GPBP1: variants seen among roughly 807,000 people sequenced by gnomAD.
GPBP1 encodes GC-rich promoter binding protein 1.
GPBP1 carries 13 observed loss-of-function variants against 56.5 expected under a neutral mutation model. The ratio of observed to expected loss-of-function variants is 0.23; its 90% CI spans 0.15 to 0.37. The LOEUF is 0.37. GPBP1 is among the 10% of genes least tolerant of loss of function. The pLI, the probability that GPBP1 is intolerant of heterozygous loss-of-function variation, is 1.00. For missense variants in GPBP1, 477 were observed against 572.3 expected (o/e 0.83, Z 1.70); for synonymous variants, 204 against 188.9 (o/e 1.08, Z -0.66).
At chr5:57,255,180 A>G (rs771929135) in intron 10 of GPBP1, among the ~76,000 whole-genome samples, 2 of 151,552 alleles carry the variant, frequency 1.3e-5, no homozygotes, top group Admixed American at 6.6e-5. Context: ...ATGTGTGTTC[A>G]CGTCCTCTCT....
chr5:57,179,669 C>G (rs571768980), intron 2 of GPBP1, among the ~76,000 whole-genome samples: 7 of 152,212 alleles, frequency 4.6e-5, no homozygotes, highest in African/African-American at 1.7e-4. Flanking sequence ...GTGATCTTGG[C>G]TCACTGCAAC....
At chr5:57,235,864 T>G in intron 5 of GPBP1, 102 bp from the exon 6 acceptor site, 2 of 824,910 alleles carry the variant, frequency 2.4e-6, no homozygotes, top group South Asian at 1.5e-5. Flanking sequence ...TAGCTAAGAG[T>G]TGGTCATATT....
intron 3 of GPBP1, among the ~76,000 whole-genome samples, chr5:57,225,491 CAAAAAA>C (rs554699501): frequency 1.3e-4 from 5 of 38,136 alleles, no homozygotes; most frequent in African/African-American, 4.7e-4. Context: ...GATTCCTTCT[CAAAAAA>C]AAAAAAAAAA....
At chr5:57,256,551 G>A (rs905854670) in intron 10 of GPBP1, among the ~76,000 whole-genome samples, 3 of 151,732 alleles carry the variant, frequency 2.0e-5, no homozygotes, top group Non-Finnish European at 4.4e-5. Flanking sequence ...TTATGCATAC[G>A]AATACCATTA....
chr5:57,228,378 C>A (rs906677317), intron 3 of GPBP1, among the ~76,000 whole-genome samples: 1 of 151,958 alleles, frequency 6.6e-6, no homozygotes, highest in South Asian at 2.1e-4. Flanking sequence ...TCATTTGAAC[C>A]TGGGAGACGG....
Position 57,223,170 on chromosome 5 carries a change from C to T in GPBP1, c.64-7676C>T, listed in dbSNP as rs181067914. Among the ~76,000 whole-genome samples the T allele has an allele frequency of 7.9e-5, 12 of 152,102 alleles. No individual in the cohort carries two copies. In the East Asian group the frequency reaches 2.3e-3, roughly 29 times the overall value. On this transcript the variant is annotated intron_variant, in intron 3 of 11. Transcript: ENST00000506184. ...TTTTTCCCTCTTAGAGACAGGGTCT[C>T]ACTGTGTTACCCAGGCTGGTCTTGA...
At chr5:57,175,242 C>T (rs577149185) in intron 1 of GPBP1, among the ~76,000 whole-genome samples, 3 of 152,278 alleles carry the variant, frequency 2.0e-5, no homozygotes, top group African/African-American at 7.2e-5. Context: ...CGTCACCTAC[C>T]GTTTTTCCCT....
intron 2 of GPBP1, among the ~76,000 whole-genome samples, chr5:57,189,301 T>C (rs1754420906): frequency 6.6e-6 from 1 of 152,232 alleles, no homozygotes; most frequent in African/African-American, 2.4e-5. Flanking sequence ...GTATTTTTAG[T>C]AGAGACGGGG....
chr5:57,250,847 A>AT (rs1741350845), intron 9 of GPBP1, 107 bp from the exon 10 acceptor site: 1 of 781,766 alleles, frequency 1.3e-6, no homozygotes, highest in Non-Finnish European at 2.0e-6. Context: ...GCCTGGCCGC[A>AT]TTTATGTATT....
chr5:57,199,416 A>C (rs907889794), intron 2 of GPBP1, among the ~76,000 whole-genome samples: 1 of 152,178 alleles, frequency 6.6e-6, no homozygotes, highest in Admixed American at 6.6e-5. Context: ...ATACAGGGGA[A>C]ACCAGTAATG....
chr5:57,205,380 A>G (rs1333572669), intron 2 of GPBP1, among the ~76,000 whole-genome samples: 1 of 152,148 alleles, frequency 6.6e-6, no homozygotes, highest in African/African-American at 2.4e-5. Flanking sequence ...TGTTTTGAAC[A>G]CTGGTGTACA....
At chr5:57,239,507 G>A (rs1364586951) in intron 6 of GPBP1, among the ~76,000 whole-genome samples, 1 of 152,162 alleles carries the variant, frequency 6.6e-6, no homozygotes, top group African/African-American at 2.4e-5. Flanking sequence ...CCAGCTGGGC[G>A]TGGTTGCTCA....
intron 2 of GPBP1, among the ~76,000 whole-genome samples, chr5:57,208,113 C>T (rs923001076): frequency 6.6e-6 from 1 of 152,106 alleles, no homozygotes; most frequent in African/African-American, 2.4e-5. Flanking sequence ...GGAGCCCTCG[C>T]GAGGGACCAT....
At chr5:57,198,214 A>T (rs1463812215) in intron 2 of GPBP1, among the ~76,000 whole-genome samples, 2 of 152,094 alleles carry the variant, frequency 1.3e-5, no homozygotes, top group South Asian at 2.1e-4. Flanking sequence ...TCAGCTTCCC[A>T]CTGTATTCTA....
At chr5:57,219,481 G>A (rs936357462) in intron 3 of GPBP1, among the ~76,000 whole-genome samples, 1 of 149,976 alleles carries the variant, frequency 6.7e-6, no homozygotes, top group Non-Finnish European at 1.5e-5. Flanking sequence ...AAAAAAAAAG[G>A]TACTTGAAAT....
At chr5:57,191,839 C>T (rs1021364168) in intron 2 of GPBP1, among the ~76,000 whole-genome samples, 12 of 152,202 alleles carry the variant, frequency 7.9e-5, no homozygotes, top group African/African-American at 2.4e-4. Flanking sequence ...GGATTACAGG[C>T]GTGAGCCACC....
At chr5:57,237,136 T>C in intron 6 of GPBP1, 2 of 1,549,756 alleles carry the variant, frequency 1.3e-6, no homozygotes, top group Non-Finnish European at 1.7e-6. Context: ...GACACACACA[T>C]ACCCAACCAA....
In GPBP1 at chr5:57,251,079, C is replaced by G. The variant is rs79124902; in HGVS notation, c.1098C>G (p.Ile366Met). The change falls in exon 10 of 12, where the codon ATC (isoleucine) becomes ATG (methionine). Residue 366 changes from isoleucine (I) to methionine (M), a missense_variant. Physicochemically the swap from Ile to Met is conservative, Grantham distance 10 (BLOSUM62 1). Transcript: ENST00000506184. ...NGNASVISQQ[I>M]IRSSTFPQTD... is the part of the protein sequence containing the mutation. ...ATGCCTCAGTGATTTCCCAGCAGAT[C>G]ATTCGGTCTTCAACCTTCCCACAAA... 2 of 1,613,280 alleles carry G rather than the reference C, an allele frequency of 1.2e-6. No homozygotes were observed. Among genetic ancestry groups the G allele is most frequent in the African/African-American group, 1.3e-5 (1 of 74,900 alleles).
intron 2 of GPBP1, among the ~76,000 whole-genome samples, chr5:57,181,861 T>TGTC (rs2111576014): frequency 6.6e-6 from 1 of 152,344 alleles, no homozygotes; most frequent in Non-Finnish European, 1.5e-5. Flanking sequence ...TGTTTTGTGG[T>TGTC]TGTGACTGTT....
Sources: allele counts gnomAD v4.1 joint callset (sites outside exome capture counted in the v4.1 genomes callset), GRCh38; gene constraint gnomAD v4.1.1; transcripts MANE v1.5; gene names NCBI Gene and HGNC (gene_info 2026-07-23, HGNC 2026-07-21).